Variants in COL21A1 observed in about 807,000 individuals in gnomAD.
COL21A1 encodes the protein collagen type XXI alpha 1 chain, also known as collagen alpha-1(XXI) chain.
A neutral mutation model predicts 137.9 loss-of-function variants in COL21A1; 149 were observed. That is an observed-to-expected ratio of 1.08 (90% CI 0.95 to 1.24). The LOEUF (loss-of-function observed/expected upper bound fraction) is 1.24. Ranked by LOEUF, COL21A1 falls within the 50% of genes most tolerant of loss-of-function variation. COL21A1 has a pLI of 0.00. For missense variants in COL21A1, 1,167 were observed against 1,158.4 expected (o/e 1.01, Z -0.11); for synonymous variants, 456 against 391.5 (o/e 1.16, Z -1.95).
intron 1 of COL21A1, among the ~76,000 whole-genome samples, chr6:56,388,263 A>C (rs572556239): frequency 6.6e-6 from 1 of 152,332 alleles, no homozygotes; most frequent in African/African-American, 2.4e-5. Context: ...CATCAGTAGT[A>C]GTCAGGCAGT....
chr6:56,260,078 A>G (rs1164764290), intron 1 of COL21A1, among the ~76,000 whole-genome samples: 3 of 152,214 alleles, frequency 2.0e-5, no homozygotes, highest in African/African-American at 4.8e-5. Flanking sequence ...AGCATGTTTT[A>G]AACTCAACAA....
intron 1 of COL21A1, among the ~76,000 whole-genome samples, chr6:56,354,711 G>A (rs1272691165): frequency 6.6e-6 from 1 of 152,190 alleles, no homozygotes; most frequent in African/African-American, 2.4e-5. Flanking sequence ...GCAAGATCCC[G>A]ACTCAAAAAA....
chr6:56,097,518 T>A (rs983615597), intron 17 of COL21A1, among the ~76,000 whole-genome samples: 1 of 151,398 alleles, frequency 6.6e-6, no homozygotes, highest in Non-Finnish European at 1.5e-5. Flanking sequence ...GGAAGGAATA[T>A]TGGGAGGAAA....
At chr6:56,285,284 C>T (rs191947571) in intron 1 of COL21A1, among the ~76,000 whole-genome samples, 2 of 152,168 alleles carry the variant, frequency 1.3e-5, no homozygotes, top group Non-Finnish European at 2.9e-5. Context: ...CATCACTAGG[C>T]TTTTCAAGCA....
At position 56,079,635 on chromosome 6, in the gene COL21A1, T is replaced by C. The variant is rs541431256; in HGVS notation, c.1813-2062A>G. ...ACACTCTAATACTGAGCTTGGTCTG[T>C]AGTAGAACATAGCCACAAATCTTAC... On this transcript the variant is annotated intron_variant, in intron 17 of 29. Transcript: ENST00000244728. Among the ~76,000 whole-genome samples, 49 of 151,706 alleles carry C rather than the reference T, an allele frequency of 3.2e-4. No individual in the cohort carries two copies. In the East Asian group the frequency reaches 7.8e-3, roughly 24 times the overall value.
At chr6:56,123,912 T>C (rs1772775202) in intron 16 of COL21A1, 150 bp downstream of exon 16, 1 of 647,744 alleles carries the variant, frequency 1.5e-6, no homozygotes, top group Non-Finnish European at 2.6e-6. Context: ...CAGTAGCATT[T>C]TTAAATTACA....
At chr6:56,360,639 C>A (rs1192230098) in intron 1 of COL21A1, among the ~76,000 whole-genome samples, 1 of 152,086 alleles carries the variant, frequency 6.6e-6, no homozygotes, top group Non-Finnish European at 1.5e-5. Flanking sequence ...CAAATACATA[C>A]GGTATCTTTC....
intron 1 of COL21A1, among the ~76,000 whole-genome samples, chr6:56,221,234 AC>A (rs1335015545): frequency 6.6e-6 from 1 of 152,054 alleles, no homozygotes; most frequent in African/African-American, 2.4e-5. Context: ...TCTCTGTGGC[AC>A]CAAATCCCTC....
At chr6:56,195,254 C>CA (rs2152293675) in intron 1 of COL21A1, among the ~76,000 whole-genome samples, 1 of 152,278 alleles carries the variant, frequency 6.6e-6, no homozygotes, top group South Asian at 2.1e-4. Flanking sequence ...AGCAAGCTCC[C>CA]AAGTGATGCT....
chr6:56,090,980 T>G lies in COL21A1; in HGVS notation c.1812+10492A>C, dbSNP rs554154434. The stretch of plus-strand genomic sequence containing the variant: ...AGACTGAAACATCTTACCATACAAT[T>G]GCAAATCAAGTAAAAACAATAATAG... On this transcript the variant is annotated intron_variant, in intron 17 of 29. Coordinates refer to ENST00000244728, the MANE Select transcript of COL21A1 (RefSeq NM_030820.4). Among the ~76,000 whole-genome samples, 81 of 152,296 alleles carry G rather than the reference T, an allele frequency of 5.3e-4. 2 individuals are homozygous for G. In the South Asian group the frequency reaches 0.016, roughly 31 times the overall value.
Position 56,313,871 on chromosome 6 carries a change from T to C in COL21A1, c.-39+80100A>G, listed in dbSNP as rs376779008. Among the ~76,000 whole-genome samples, 45 of 152,286 alleles carry C rather than the reference T, an allele frequency of 3.0e-4. No individual in the cohort carries two copies. In the East Asian group the frequency reaches 5.0e-3, roughly 17 times the overall value. On this transcript the variant is annotated intron_variant, in intron 1 of 28. Coordinates refer to the COL21A1 transcript ENST00000370819. ...TATTATTTGAGTAAGAGAAAGCACATGAGGTCAGAAACATGAAAGACTCCT... is the reference window on the plus strand; with the variant it reads ...TATTATTTGAGTAAGAGAAAGCACACGAGGTCAGAAACATGAAAGACTCCT...
chr6:56,223,248 T>C (rs957529948), intron 1 of COL21A1, among the ~76,000 whole-genome samples: 4 of 152,106 alleles, frequency 2.6e-5, no homozygotes, highest in Non-Finnish European at 5.9e-5. Flanking sequence ...TTTTTAATAT[T>C]ATTTTCCTCT....
At chr6:56,314,267 G>T (rs747093614) in intron 1 of COL21A1, among the ~76,000 whole-genome samples, 11 of 152,130 alleles carry the variant, frequency 7.2e-5, no homozygotes, top group Non-Finnish European at 1.3e-4. Context: ...ACAGGCGTGA[G>T]CCACCGCACC....
At chr6:56,228,939 T>G (rs1234650538) in intron 1 of COL21A1, among the ~76,000 whole-genome samples, 1 of 151,820 alleles carries the variant, frequency 6.6e-6, no homozygotes, top group Non-Finnish European at 1.5e-5. Flanking sequence ...AAAGAACAAA[T>G]GCAAAAAAAT....
At chr6:56,106,344 A>G (rs1490996255) in intron 16 of COL21A1, among the ~76,000 whole-genome samples, 1 of 152,186 alleles carries the variant, frequency 6.6e-6, no homozygotes, top group Non-Finnish European at 1.5e-5. Context: ...ACTCTGTTCT[A>G]TATCCCATTC....
At chr6:56,368,509 G>A (rs981157938) in intron 1 of COL21A1, among the ~76,000 whole-genome samples, 7 of 152,258 alleles carry the variant, frequency 4.6e-5, no homozygotes, top group African/African-American at 7.2e-5. Context: ...AGAAAATCTC[G>A]GTTAAGAGCA....
chr6:56,125,552 G>A lies in COL21A1; in HGVS notation c.1650+15C>T, dbSNP rs372828995. The A allele has an allele frequency of 7.6e-6, 12 of 1,576,588 alleles. No homozygotes were observed. The highest frequency in any genetic ancestry group is 1.0e-5 in the Non-Finnish European group (12 of 1,153,372). ...AAGTTCAATATGAATACTTTGTTGTGTGATCTATACTTCCCTTTTTGCCAT... is the reference window on the plus strand; with the variant it reads ...AAGTTCAATATGAATACTTTGTTGTATGATCTATACTTCCCTTTTTGCCAT... On this transcript the variant is annotated intron_variant, in intron 14 of 29. Transcript: ENST00000244728.
At chr6:56,184,967 C>G (rs922429953) in intron 1 of COL21A1, among the ~76,000 whole-genome samples, 7 of 151,906 alleles carry the variant, frequency 4.6e-5, no homozygotes, top group African/African-American at 1.7e-4. Context: ...TGAAATTAAG[C>G]AACATACTTC....
At position 56,060,897 on chromosome 6, in the gene COL21A1, C is replaced by A; in HGVS notation, c.2346G>T (p.Gly782=). Residue 782 remains glycine, a synonymous_variant, in exon 26 of 30, where the codon GGG becomes GGT. Transcript: ENST00000244728. ...AAAGAAGCAGAATACATACGGGCTT[C>A]CCATCCAAACCTGGGGGTCCCTGAG... ...PGPQGPPGLD[G]KPGREFSEQF... is the part of the protein sequence containing the mutation. 6.3e-7 allele frequency: 1 copy of A among 1,577,574 alleles called. No homozygotes were observed. Among genetic ancestry groups the A allele is most frequent in the Non-Finnish European group, 8.6e-7 (1 of 1,167,762 alleles).
Sources: allele counts gnomAD v4.1 joint callset (sites outside exome capture counted in the v4.1 genomes callset), GRCh38; gene constraint gnomAD v4.1.1; transcripts MANE v1.5; gene names NCBI Gene and HGNC (gene_info 2026-07-23, HGNC 2026-07-21).